The following MYH7B variants were observed in gnomAD, a reference collection of about 807,000 sequenced individuals.
MYH7B encodes myosin-7B.
Under a neutral mutation model 234.5 loss-of-function variants are expected in MYH7B, and 205 were observed. The observed-to-expected ratio is 0.87, with a 90% CI of 0.78 to 0.98. The LOEUF (loss-of-function observed/expected upper bound fraction) is 0.98, where lower values mean the gene tolerates loss of function less well. Ranked by LOEUF, MYH7B falls within the 50% of genes least tolerant of loss-of-function variation. The pLI is 0.00. For synonymous variants in MYH7B, 1,193 were observed against 1,105.0 expected (o/e 1.08, Z -1.58); for missense variants, 2,652 against 2,633.4 (o/e 1.01, Z -0.15).
At chr20:34,977,723 AGGGT>A in intron 4 of MYH7B, 43 bp downstream of exon 4, 1 of 170,996 alleles carries the variant, frequency 5.8e-6, no homozygotes, top group Non-Finnish European at 9.6e-6. Context: ...GGAGGGCAGG[AGGGT>A]GGGCGGGTGG....
At chr20:34,961,754 C>T (rs968891863) in intron 2 of MYH7B, among the ~76,000 whole-genome samples, 2 of 152,188 alleles carry the variant, frequency 1.3e-5, no homozygotes, top group African/African-American at 4.8e-5. Context: ...AATCTGTGGC[C>T]TTTTGTAACT....
chr20:34,979,963 T>G (rs1359254350), intron 7 of MYH7B, 159 bp downstream of exon 7: 16 of 480,770 alleles, frequency 3.3e-5, no homozygotes, highest in South Asian at 1.7e-4. Flanking sequence ...GGTGGGGCTG[T>G]GAGCGATGAG....
chr20:34,985,244 A>G (rs989364064), intron 13 of MYH7B, 115 bp downstream of exon 13: 2 of 963,842 alleles, frequency 2.1e-6, no homozygotes, highest in East Asian at 2.5e-5. Flanking sequence ...ACTTCTCTCT[A>G]CCCCCTGGCT....
In MYH7B at chr20:35,001,510, G is replaced by A. The variant is rs767686430; in HGVS notation, c.5660G>A (p.Arg1887His). 9.9e-6 allele frequency: 16 copies of A among 1,608,496 alleles called. No individual in the cohort carries two copies. The highest frequency in any genetic ancestry group is 3.3e-4 in the Middle Eastern group (2 of 6,046). ...CAGAGCAAGGTCAAGAGCTACAAGCGCCAGTTTGAGGAGGCGGTGAGTGCG... is the reference window on the plus strand; with the variant it reads ...CAGAGCAAGGTCAAGAGCTACAAGCACCAGTTTGAGGAGGCGGTGAGTGCG... The change falls in exon 43 of 45, where the codon CGC becomes CAC. Residue 1887 changes from arginine to histidine, a missense_variant. This residue lies in a region of MYH7B where 2,279 missense variants were observed against 2,211.4 expected (regional missense o/e 1.03). Coordinates refer to ENST00000262873, the Ensembl canonical transcript of MYH7B.
At chr20:34,992,246 C>T (rs565696250) in intron 24 of MYH7B, among the ~76,000 whole-genome samples, 8 of 152,002 alleles carry the variant, frequency 5.3e-5, no homozygotes, top group South Asian at 4.2e-4. Context: ...ATTAGCCGGG[C>T]GTGGTGGCGG....
At chr20:34,959,320 A>G (rs1426731634) in intron 2 of MYH7B, among the ~76,000 whole-genome samples, 3 of 152,174 alleles carry the variant, frequency 2.0e-5, no homozygotes, top group African/African-American at 7.2e-5. Flanking sequence ...GATGGAGTCC[A>G]TGTAGTGGAC....
At chr20:34,980,906 C>T in intron 8 of MYH7B, 127 bp from the exon 9 acceptor site, 2 of 1,492,174 alleles carry the variant, frequency 1.3e-6, no homozygotes, top group Non-Finnish European at 1.9e-6. Context: ...TAGGGACAGC[C>T]CCACCTGCTC....
At chr20:35,001,095 T>C (rs763127867) in exon 41 of MYH7B, 5 of 1,613,726 alleles carry the variant, frequency 3.1e-6, no homozygotes, top group South Asian at 2.2e-5. Flanking sequence ...AGGCCCGCCT[T>C]GAGGAGGCAG....
Position 34,988,087 on chromosome 20 carries a change from TGTA to T in MYH7B, c.1417-2_1417del, listed in dbSNP as rs779146354. 2 of 1,611,128 alleles carry T rather than the reference TGTA, an allele frequency of 1.2e-6. No homozygotes were observed. Among genetic ancestry groups the T allele is most frequent in the Non-Finnish European group, 1.7e-6 (2 of 1,178,362 alleles). On this transcript the variant is annotated splice_acceptor_variant and splice_polypyrimidine_tract_variant and intron_variant, in intron 18 of 44. Transcript: ENST00000262873. LOFTEE classifies it high-confidence loss of function. ...TCTGCTGAGCCAGGCCCCTCCCTCT[TGTA>T]GTTCAACAGCTTCGAACAGCTGTGC...
intron 2 of MYH7B, among the ~76,000 whole-genome samples, chr20:34,961,563 G>A (rs897885044): frequency 1.3e-5 from 2 of 152,146 alleles, no homozygotes; most frequent in African/African-American, 4.8e-5. Flanking sequence ...ATATTTACAA[G>A]ATTGTACAAC....
intron 32 of MYH7B, 143 bp downstream of exon 32, chr20:34,997,783 C>T: frequency 9.5e-7 from 1 of 1,050,936 alleles, no homozygotes; most frequent in Non-Finnish European, 1.3e-6. Context: ...ACCCTCATTT[C>T]TCAGCCTCCT....
chr20:34,985,030 G>A, intron 12 of MYH7B, 36 bp from the exon 13 acceptor site: 5 of 1,613,478 alleles, frequency 3.1e-6, no homozygotes, highest in Admixed American at 1.7e-5. Flanking sequence ...AGTGCTGGCT[G>A]TGCCCCTTGG....
At chr20:34,999,683 G>A in exon 37 of MYH7B, 2 of 1,613,464 alleles carry the variant, frequency 1.2e-6, no homozygotes, top group Non-Finnish European at 1.7e-6. Context: ...AGGCTGCACT[G>A]GAGGAGGCAG....
rs6141522 is a variant in MYH7B, at chr20:34,963,346, G to A, written c.-222+5134G>A. 1.3e-3 allele frequency among the ~76,000 whole-genome samples: 200 copies of A among 152,308 alleles called. 5 individuals are homozygous for A. The East Asian group carries it at 0.021, about 16-fold the overall frequency. On this transcript the variant is annotated intron_variant, in intron 2 of 44. Transcript: ENST00000262873. ...GCATTTTCCTAATGACAAATAATGCGCATATCTTTTCATGTGCTTATTGGT... is the reference window on the plus strand; with the variant it reads ...GCATTTTCCTAATGACAAATAATGCACATATCTTTTCATGTGCTTATTGGT...
At chr20:34,982,980 C>G (rs758251901) in intron 10 of MYH7B, among the ~76,000 whole-genome samples, 1 of 152,186 alleles carries the variant, frequency 6.6e-6, no homozygotes. Context: ...TCCCAGCAGC[C>G]GGGGTTGGCA....
rs753074738 is a variant in MYH7B, at chr20:34,985,050, G to A, written c.742-16G>A. ...TGGCTGTGCCCCTTGGCTGAGGGCT[G>A]CCCCTCTGCCCACAGGGCAAGTTCA... On this transcript the variant is annotated splice_polypyrimidine_tract_variant and intron_variant, in intron 12 of 44. Coordinates refer to ENST00000262873, the Ensembl canonical transcript of MYH7B. The A allele has an allele frequency of 1.2e-6, 2 of 1,613,884 alleles. No individual in the cohort carries two copies. Among genetic ancestry groups the A allele is most frequent in the Non-Finnish European group, 1.7e-6 (2 of 1,179,880 alleles).
intron 9 of MYH7B, 46 bp downstream of exon 9, chr20:34,981,106 G>A: frequency 6.2e-7 from 1 of 1,610,004 alleles, no homozygotes; most frequent in South Asian, 1.1e-5. Context: ...CTGGCCATCT[G>A]GCAGAAAGAG....
exon 30 of MYH7B, chr20:34,996,734 A>G: frequency 6.2e-7 from 1 of 1,612,832 alleles, no homozygotes; most frequent in Non-Finnish European, 8.5e-7. Flanking sequence ...CAAGACAAGC[A>G]GCAGCTGGAG....
At position 34,963,002 on chromosome 20, in the gene MYH7B, G is replaced by A. The variant is rs546969414; in HGVS notation, c.-222+4790G>A. On this transcript the variant is annotated intron_variant, in intron 2 of 44. Coordinates refer to ENST00000262873, the Ensembl canonical transcript of MYH7B. Reference sequence around the variant, plus strand: ...AGTCCCAGCTATTCAGGGAGGCTGAGGCAGAGAATCGCTTGAACCCCAGAG... The same window carrying A: ...AGTCCCAGCTATTCAGGGAGGCTGAAGCAGAGAATCGCTTGAACCCCAGAG... Among the ~76,000 whole-genome samples the A allele has an allele frequency of 2.6e-5, 4 of 152,366 alleles. No homozygotes were observed. In the East Asian group the frequency reaches 7.7e-4, roughly 29 times the overall value.
Sources: gnomAD v4.1 joint callset for allele counts (sites outside exome capture counted in the v4.1 genomes callset) on GRCh38, gnomAD v4.1.1 for gene constraint, gnomAD v4.1.1 regional missense constraint, MANE v1.5 for transcripts, NCBI Gene and HGNC (gene_info 2026-07-23, HGNC 2026-07-21) for gene names.